Variants in HDAC4 observed in about 807,000 individuals in gnomAD.
HDAC4 encodes the protein histone deacetylase A.
In HDAC4, 16 loss-of-function variants were observed where a neutral mutation model predicts 135.1. That is an observed-to-expected ratio of 0.12 (90% CI 0.08 to 0.18). The LOEUF (loss-of-function observed/expected upper bound fraction) is 0.18, where lower values mean the gene tolerates loss of function less well. Among genes scored for constraint, HDAC4 ranks in the 10% least tolerant of loss-of-function variants. HDAC4 has a pLI of 1.00. For synonymous variants in HDAC4, 685 were observed against 653.4 expected (o/e 1.05, Z -0.74); for missense variants, 1,143 against 1,511.8 (o/e 0.76, Z 4.05).
chr2:239,246,617 G>T (rs969655817), intron 2 of HDAC4, among the ~76,000 whole-genome samples: 1 of 152,234 alleles, frequency 6.6e-6, no homozygotes, highest in Non-Finnish European at 1.5e-5. Flanking sequence ...TCTAAGGGCC[G>T]GAGAACAGCG....
At chr2:239,081,482 G>A (rs982981773) in intron 21 of HDAC4, among the ~76,000 whole-genome samples, 12 of 152,364 alleles carry the variant, frequency 7.9e-5, no homozygotes, top group African/African-American at 2.4e-4. Context: ...CGGACCCGCC[G>A]CCCTGTGTTG....
At chr2:239,129,223 CT>C (rs1293281353) in intron 11 of HDAC4, among the ~76,000 whole-genome samples, 4 of 152,332 alleles carry the variant, frequency 2.6e-5, no homozygotes, top group African/African-American at 9.6e-5. Context: ...CACCCTACCC[CT>C]GGGTATCCTT....
At chr2:239,347,733 GCGAA>G (rs1295054189) in intron 2 of HDAC4, among the ~76,000 whole-genome samples, 1 of 152,060 alleles carries the variant, frequency 6.6e-6, no homozygotes, top group Non-Finnish European at 1.5e-5. Context: ...CAGGCTGATC[GCGAA>G]CTCCTGACCT....
intron 4 of HDAC4, among the ~76,000 whole-genome samples, chr2:239,185,301 G>A (rs765499901): frequency 6.6e-6 from 1 of 151,820 alleles, no homozygotes; most frequent in Non-Finnish European, 1.5e-5. Context: ...ATGCCCTAAA[G>A]GGGGTGCCCT....
At chr2:239,069,804 C>T (rs1467421650) in intron 22 of HDAC4, among the ~76,000 whole-genome samples, 1 of 151,646 alleles carries the variant, frequency 6.6e-6, no homozygotes, top group Non-Finnish European at 1.5e-5. Context: ...GAGGGAGTCA[C>T]GGTGCAAGCC....
chr2:239,122,855 T>C (rs2039810319), intron 12 of HDAC4, among the ~76,000 whole-genome samples: 1 of 152,122 alleles, frequency 6.6e-6, no homozygotes, highest in African/African-American at 2.4e-5. Context: ...GCAACCCCAA[T>C]GTAGGCTGGA....
At chr2:239,330,982 C>T (rs1307311224) in intron 2 of HDAC4, among the ~76,000 whole-genome samples, 3 of 152,222 alleles carry the variant, frequency 2.0e-5, no homozygotes, top group Admixed American at 1.3e-4. Context: ...ACGCTGCTGA[C>T]ACAGACCTGC....
chr2:239,138,785 C>T (rs2041146029), intron 9 of HDAC4, among the ~76,000 whole-genome samples: 1 of 152,170 alleles, frequency 6.6e-6, no homozygotes. Flanking sequence ...TGTCCCTGGG[C>T]CTGGCACAAG....
At position 239,240,730 on chromosome 2, in the gene HDAC4, G is replaced by A. The variant is rs1360739496; in HGVS notation, c.23-4066C>T. On this transcript the variant is annotated intron_variant, in intron 2 of 26. Coordinates refer to ENST00000543185, the MANE Select transcript of HDAC4 (RefSeq NM_001378414.1). The surrounding 1 kb of genome is among the most constrained non-coding windows in gnomAD (Gnocchi z 4.5). ...GCACGGGTACCTCGTGTCCTCACCA[G>A]CACATGATGTGCCCCAGTGTGCTCA... Among the ~76,000 whole-genome samples, 1 of 152,198 alleles carries A rather than the reference G, an allele frequency of 6.6e-6. No homozygotes were observed.
At chr2:239,112,341 G>C (rs2038752480) in intron 13 of HDAC4, among the ~76,000 whole-genome samples, 1 of 152,234 alleles carries the variant, frequency 6.6e-6, no homozygotes, top group African/African-American at 2.4e-5. Flanking sequence ...ACTTGGGCGA[G>C]AAAGCACCAT....
At chr2:239,210,941 G>C (rs954287298) in intron 3 of HDAC4, among the ~76,000 whole-genome samples, 1 of 152,154 alleles carries the variant, frequency 6.6e-6, no homozygotes, top group Non-Finnish European at 1.5e-5. Flanking sequence ...TTTATGGCAT[G>C]AACCTGATCA....
In HDAC4 at chr2:239,126,356, C is replaced by T. The variant is rs538551651; in HGVS notation, c.1533+100G>A. ...CGGTTCCCTCTTTCTGCCTCCTGGCCTCCCTTAAGGTCAGAAAGGGGCCAG... is the reference window on the plus strand; with the variant it reads ...CGGTTCCCTCTTTCTGCCTCCTGGCTTCCCTTAAGGTCAGAAAGGGGCCAG... On this transcript the variant is annotated intron_variant, in intron 12 of 26. Coordinates refer to ENST00000543185, the MANE Select transcript of HDAC4 (RefSeq NM_001378414.1). 24 of 1,592,164 alleles carry T rather than the reference C, an allele frequency of 1.5e-5. No homozygotes were observed. The East Asian group carries it at 5.4e-4, about 36-fold the overall frequency.
intron 22 of HDAC4, among the ~76,000 whole-genome samples, chr2:239,070,610 G>A (rs1266021783): frequency 6.6e-6 from 1 of 152,214 alleles, no homozygotes; most frequent in Non-Finnish European, 1.5e-5. Flanking sequence ...CTGTGGGTGA[G>A]GGGAGCAGAA....
chr2:239,312,776 T>C (rs1183875735), intron 2 of HDAC4, among the ~76,000 whole-genome samples: 1 of 152,214 alleles, frequency 6.6e-6, no homozygotes, highest in African/African-American at 2.4e-5. Flanking sequence ...GAGGGCAGAA[T>C]GTGGTGGTGG....
intron 24 of HDAC4, among the ~76,000 whole-genome samples, chr2:239,055,730 AAAAG>A (rs1194960072): frequency 2.7e-5 from 4 of 150,764 alleles, no homozygotes; most frequent in East Asian, 1.9e-4. Context: ...AAAAAAAAAA[AAAAG>A]GTTGAAATGG....
rs557914797 is a variant in HDAC4 at position 239,199,637 on chromosome 2, C to A, written c.95-9560G>T. Among the ~76,000 whole-genome samples, 12 of 152,278 alleles carry A rather than the reference C, an allele frequency of 7.9e-5. No homozygotes were observed. In the South Asian group the frequency reaches 1.2e-3, roughly 16 times the overall value. On this transcript the variant is annotated intron_variant, in intron 3 of 26. Coordinates refer to ENST00000543185, the MANE Select transcript of HDAC4 (RefSeq NM_001378414.1). ...AGTCCTGTCCTTGACGAGCAGGAGC[C>A]CCGTGGTTGGATCGGGCGGCCCTCC...
chr2:239,072,518 C>A (rs7557540), intron 22 of HDAC4, among the ~76,000 whole-genome samples: 1 of 152,162 alleles, frequency 6.6e-6, no homozygotes, highest in Non-Finnish European at 1.5e-5. Flanking sequence ...CACGGCCTCC[C>A]CAGCACACGC....
At chr2:239,384,608 C>A (rs772221424) in intron 1 of HDAC4, among the ~76,000 whole-genome samples, 26 of 152,054 alleles carry the variant, frequency 1.7e-4, no homozygotes, top group Non-Finnish European at 1.9e-4. Flanking sequence ...CAGATCAAGG[C>A]TCTATCTCAG....
At chr2:239,394,829 C>T (rs1196627354) in intron 1 of HDAC4, among the ~76,000 whole-genome samples, 1 of 152,262 alleles carries the variant, frequency 6.6e-6, no homozygotes, top group Non-Finnish European at 1.5e-5. Flanking sequence ...TTCTTTCATT[C>T]TTCGAGCACC....
Sources: gnomAD v4.1 joint callset for allele counts (sites outside exome capture counted in the v4.1 genomes callset) on GRCh38, gnomAD v4.1.1 for gene constraint, Gnocchi (gnomAD v3.1) non-coding constraint, MANE v1.5 for transcripts, NCBI Gene and HGNC (gene_info 2026-07-23, HGNC 2026-07-21) for gene names.